The following HSF2BP variants were observed in gnomAD, a reference collection of about 807,000 sequenced individuals.
HSF2BP encodes the protein heat shock transcription factor 2 binding protein.
Under a neutral mutation model 35.0 loss-of-function variants are expected in HSF2BP, and 35 were observed. The observed-to-expected ratio is 1.00, with a 90% CI of 0.76 to 1.32. HSF2BP has a LOEUF of 1.32. HSF2BP is among the 40% of genes most tolerant of loss of function. The pLI is 0.00. For synonymous variants in HSF2BP, 114 were observed against 117.4 expected (o/e 0.97, Z 0.18); for missense variants, 326 against 321.7 (o/e 1.01, Z -0.10).
intron 8 of HSF2BP, among the ~76,000 whole-genome samples, chr21:43,535,754 T>TAAAATAATAA (rs1178906903): frequency 2.0e-3 from 7 of 3,498 alleles, no homozygotes; most frequent in Non-Finnish European, 3.5e-3. Context: ...TAAAATAAAA[T>TAAAATAATAA]AATAAAATAA....
chr21:43,633,583 C>T (rs1301865018), intron 4 of HSF2BP, among the ~76,000 whole-genome samples, 162 bp from the exon 5 acceptor site: 3 of 152,136 alleles, frequency 2.0e-5, no homozygotes, highest in Non-Finnish European at 4.4e-5. Context: ...TAATCTGTAT[C>T]TACAAAAGAA....
chr21:43,630,262 G>C, intron 6 of HSF2BP, 60 bp downstream of exon 6: 4 of 1,429,052 alleles, frequency 2.8e-6, no homozygotes, highest in Non-Finnish European at 3.8e-6. Context: ...TGCAGTATTT[G>C]CTTTACTGCA....
chr21:43,619,605 G>A (rs758407657), intron 6 of HSF2BP, among the ~76,000 whole-genome samples: 3 of 152,198 alleles, frequency 2.0e-5, no homozygotes, highest in Admixed American at 1.3e-4. Context: ...AGCACCAAGC[G>A]TGAGGAAAAT....
chr21:43,641,470 C>T lies in HSF2BP; in HGVS notation c.291+2819G>A, dbSNP rs2082635915. Among the ~76,000 whole-genome samples, 3 of 152,182 alleles carry T rather than the reference C, an allele frequency of 2.0e-5. No homozygotes were observed. The South Asian group carries it at 6.2e-4, about 32-fold the overall frequency. ...CCCAACAAAATCTCTGTGGAGGAAA[C>T]ATCTCCACCATGGCCAGGAACAAAG... On this transcript the variant is annotated intron_variant, in intron 4 of 8. Coordinates refer to ENST00000291560, the MANE Select transcript of HSF2BP (RefSeq NM_007031.2).
At chr21:43,591,438 G>A (rs1053797934) in intron 8 of HSF2BP, among the ~76,000 whole-genome samples, 1 of 152,176 alleles carries the variant, frequency 6.6e-6, no homozygotes, top group Admixed American at 6.5e-5. Flanking sequence ...TTTACCTGCT[G>A]TTTTATAAGA....
At position 43,628,777 on chromosome 21, in the gene HSF2BP, G is replaced by A. The variant is rs2082419578; in HGVS notation, c.574+1545C>T. On this transcript the variant is annotated intron_variant, in intron 6 of 8. Coordinates refer to ENST00000291560, the MANE Select transcript of HSF2BP (RefSeq NM_007031.2). ...CATCAAAAGACAGGCTGACTCTCTT[G>A]TTAGGGGCCAATGGTGCGGGTGACT... is the stretch of plus-strand genomic sequence containing the variant. Among the ~76,000 whole-genome samples, 3 of 152,234 alleles carry A rather than the reference G, an allele frequency of 2.0e-5. No homozygotes were observed. In the South Asian group the frequency reaches 6.2e-4, roughly 31 times the overall value.
chr21:43,649,918 G>C (rs957821788), intron 3 of HSF2BP, among the ~76,000 whole-genome samples: 1 of 152,176 alleles, frequency 6.6e-6, no homozygotes, highest in African/African-American at 2.4e-5. Flanking sequence ...TAATTAGAAA[G>C]TGTCTTCATG....
intron 7 of HSF2BP, among the ~76,000 whole-genome samples, chr21:43,595,519 A>T (rs571848610): frequency 1.6e-4 from 25 of 151,952 alleles, no homozygotes; most frequent in Admixed American, 1.5e-3. Context: ...ACAGCTGGGC[A>T]TGATGGCACG....
intron 3 of HSF2BP, among the ~76,000 whole-genome samples, chr21:43,654,981 C>T (rs1395041305): frequency 6.6e-6 from 1 of 152,078 alleles, no homozygotes; most frequent in African/African-American, 2.4e-5. Context: ...TGGGAAAGGC[C>T]GGGACTATGA....
intron 4 of HSF2BP, among the ~76,000 whole-genome samples, chr21:43,643,954 CA>C (rs1320475012): frequency 1.8e-4 from 18 of 99,452 alleles, no homozygotes; most frequent in East Asian, 5.6e-4. Context: ...GACTCTGTCT[CA>C]AAAAAAAAAA....
chr21:43,655,367 G>C (rs1347093659), intron 3 of HSF2BP, among the ~76,000 whole-genome samples: 2 of 152,208 alleles, frequency 1.3e-5, no homozygotes, highest in African/African-American at 4.8e-5. Context: ...CAGTGGGAAA[G>C]AGAAATCAAC....
chr21:43,652,520 G>A (rs2082803233), intron 3 of HSF2BP, among the ~76,000 whole-genome samples: 1 of 151,922 alleles, frequency 6.6e-6, no homozygotes, highest in Admixed American at 6.6e-5. Context: ...AACGGCTCTT[G>A]CTGCCACAGT....
intron 8 of HSF2BP, among the ~76,000 whole-genome samples, chr21:43,572,924 A>G (rs2081594432): frequency 6.6e-6 from 1 of 152,242 alleles, no homozygotes; most frequent in Non-Finnish European, 1.5e-5. Context: ...CTAAACAATG[A>G]CAAAACACAC....
intron 8 of HSF2BP, among the ~76,000 whole-genome samples, chr21:43,575,393 G>C (rs2081630212): frequency 1.3e-5 from 2 of 152,176 alleles, no homozygotes; most frequent in Non-Finnish European, 2.9e-5. Context: ...TAAGCTTTCA[G>C]ACTCCCTTTA....
At chr21:43,658,462 G>A (rs564285363) in intron 1 of HSF2BP, 142 bp from the exon 2 acceptor site, 38 of 271,128 alleles carry the variant, frequency 1.4e-4, no homozygotes, top group African/African-American at 8.2e-4. Flanking sequence ...CCTCGCCTCC[G>A]CGCGCCTTCC....
chr21:43,572,758 C>G (rs2081592401), intron 8 of HSF2BP, among the ~76,000 whole-genome samples: 1 of 152,190 alleles, frequency 6.6e-6, no homozygotes, highest in Non-Finnish European at 1.5e-5. Flanking sequence ...GAGTCAGAGC[C>G]CTCTGAAACA....
rs2081787262 is a variant in HSF2BP, at chr21:43,583,305, T to TGAGGGCCTGGTGAGGGGGAC, written c.796+8919_796+8920insGTCCCCCTCACCAGGCCCTC. Among the ~76,000 whole-genome samples, 3 of 83,156 alleles carry TGAGGGCCTGGTGAGGGGGAC rather than the reference T, an allele frequency of 3.6e-5. No homozygotes were observed. In the South Asian group the frequency reaches 1.9e-3, roughly 52 times the overall value. 54.6% of individuals were successfully genotyped at this position (83,156 alleles called of 152,430 possible). A position where few individuals can be genotyped will look rare whatever the true frequency, so the allele number is the denominator to read the frequency against. On this transcript the variant is annotated intron_variant, in intron 8 of 8. Coordinates refer to ENST00000291560, the MANE Select transcript of HSF2BP (RefSeq NM_007031.2). ...GGAGATGAAGACCTGCTGTGGGGGA[T>TGAGGGCCTGGTGAGGGGGAC]GAGGGCCTGGTGAGGGGGATGAGGG...
intron 7 of HSF2BP, among the ~76,000 whole-genome samples, chr21:43,599,897 T>G (rs903600812): frequency 6.7e-6 from 1 of 149,764 alleles, no homozygotes; most frequent in African/African-American, 2.5e-5. Context: ...AGGCAAATTC[T>G]GCTTCCTGCC....
intron 4 of HSF2BP, among the ~76,000 whole-genome samples, chr21:43,639,231 C>T (rs905304655): frequency 2.6e-5 from 4 of 152,080 alleles, no homozygotes; most frequent in Non-Finnish European, 5.9e-5. Flanking sequence ...ATTGTGGTGA[C>T]CTAGAGCTAT....
Sources: gnomAD v4.1 joint callset for allele counts (sites outside exome capture counted in the v4.1 genomes callset) on GRCh38, gnomAD v4.1.1 for gene constraint, MANE v1.5 for transcripts, NCBI Gene and HGNC (gene_info 2026-07-23, HGNC 2026-07-21) for gene names.